The following DCAF5 variants were observed in gnomAD, a reference collection of about 807,000 sequenced individuals.
DCAF5 encodes DDB1- and CUL4-associated factor 5.
In DCAF5, 9 loss-of-function variants were observed where a neutral mutation model predicts 80.7. The observed-to-expected ratio is 0.11, with a 90% CI of 0.07 to 0.19. The LOEUF is 0.19. DCAF5 is among the 10% of genes least tolerant of loss of function. The probability of loss-of-function intolerance (pLI) is 1.00; values close to 1 mark genes in which losing one functional copy is unlikely to be tolerated. For synonymous variants in DCAF5, 433 were observed against 461.9 expected (o/e 0.94, Z 0.80); for missense variants, 842 against 1,205.7 (o/e 0.70, Z 4.47).
chr14:69,118,258 A>T lies in DCAF5; in HGVS notation c.416T>A (p.Phe139Tyr). The change falls in exon 4 of 9, where the codon TTT (phenylalanine) becomes TAT (tyrosine). Residue 139 changes from phenylalanine to tyrosine, a missense_variant. Phe to Tyr is a conservative substitution (Grantham distance 22). Around this residue, in one of 5 missense-constraint regions of DCAF5, gnomAD observed 142 missense variants for 311.9 expected, o/e 0.46. Transcript: ENST00000341516. The surrounding 1 kb of genome is among the most constrained non-coding windows in gnomAD (Gnocchi z 4.0). The part of the protein sequence containing the change: ...DVESSETLDV[F>Y]AHEDAVYGLS... ...GCCATATACTGCATCTTCATGAGCA[A>T]ACACGTCCAATGTCTCACTGCTGGG... 6.2e-7 allele frequency: 1 copy of T among 1,613,872 alleles called. No homozygotes were observed. Among genetic ancestry groups the T allele is most frequent in the Non-Finnish European group, 8.5e-7 (1 of 1,179,844 alleles).
chr14:69,102,191 C>G (rs1385724274), intron 5 of DCAF5, among the ~76,000 whole-genome samples: 1 of 150,086 alleles, frequency 6.7e-6, no homozygotes, highest in Non-Finnish European at 1.5e-5. Context: ...TCACTGCAAC[C>G]TCCGCCTCCT....
intron 1 of DCAF5, among the ~76,000 whole-genome samples, chr14:69,145,250 T>C (rs2041503375): frequency 6.6e-6 from 1 of 152,126 alleles, no homozygotes; most frequent in Admixed American, 6.5e-5. Flanking sequence ...ACTCCGGGGC[T>C]CAAGTGATCC....
intron 1 of DCAF5, among the ~76,000 whole-genome samples, chr14:69,132,875 G>A (rs985182687): frequency 2.6e-4 from 40 of 152,138 alleles, no homozygotes; most frequent in African/African-American, 9.2e-4. Context: ...CTTTAGACAG[G>A]TTACTTAACT....
At chr14:69,094,079 G>A (rs761291541) in intron 5 of DCAF5, among the ~76,000 whole-genome samples, 7 of 152,164 alleles carry the variant, frequency 4.6e-5, no homozygotes, top group Non-Finnish European at 7.4e-5. Context: ...TATGGAGTGT[G>A]CAAATAAACC....
intron 1 of DCAF5, among the ~76,000 whole-genome samples, chr14:69,143,178 T>C (rs1350245750): frequency 6.6e-6 from 1 of 152,144 alleles, no homozygotes; most frequent in East Asian, 1.9e-4. Context: ...ATCCTCCACT[T>C]ACATATAAAA....
rs757649437 is a variant in DCAF5 at position 69,118,263 on chromosome 14, G to A, written c.411C>T (p.Asp137=). The change falls in exon 4 of 9, where the codon GAC becomes GAT. Residue 137 remains aspartate, a synonymous_variant. Transcript: ENST00000341516. This position sits in a 1 kb window ranked among gnomAD's most constrained non-coding sequence, Gnocchi z 4.0. The part of the protein sequence containing the change: ...LHDVESSETL[D]VFAHEDAVYG... ...ATACTGCATCTTCATGAGCAAACAC[G>A]TCCAATGTCTCACTGCTGGGAGATA... The A allele has an allele frequency of 5.6e-6, 9 of 1,613,732 alleles. No individual in the cohort carries two copies. The highest frequency in any genetic ancestry group is 3.3e-5 in the South Asian group (3 of 91,060).
intron 1 of DCAF5, among the ~76,000 whole-genome samples, chr14:69,141,301 T>C (rs1351865741): frequency 1.3e-5 from 2 of 152,000 alleles, no homozygotes; most frequent in Non-Finnish European, 2.9e-5. Context: ...AGTGCAATAA[T>C]TATAAGCAGG....
chr14:69,125,982 T>C (rs1314695242), intron 1 of DCAF5, among the ~76,000 whole-genome samples: 1 of 152,056 alleles, frequency 6.6e-6, no homozygotes, highest in Non-Finnish European at 1.5e-5. Flanking sequence ...TTGTGAGATA[T>C]AAGGTTAATA....
intron 1 of DCAF5, among the ~76,000 whole-genome samples, chr14:69,133,763 A>AGTTT (rs2041111568): frequency 6.6e-6 from 1 of 152,202 alleles, no homozygotes; most frequent in Non-Finnish European, 1.5e-5. Flanking sequence ...GTAGAACAGA[A>AGTTT]ACATCCCCAT....
chr14:69,105,476 T>C (rs577304678), intron 5 of DCAF5, among the ~76,000 whole-genome samples: 5 of 152,260 alleles, frequency 3.3e-5, no homozygotes, highest in African/African-American at 9.6e-5. Context: ...TGAAGCATTG[T>C]TGCTGTGTGT....
At position 69,122,349 on chromosome 14, in the gene DCAF5, G is replaced by A. The variant is rs1440473240; in HGVS notation, c.226C>T (p.Arg76Cys). The A allele has an allele frequency of 2.5e-6, 4 of 1,610,440 alleles. No homozygotes were observed. The highest frequency in any genetic ancestry group is 2.5e-6 in the Non-Finnish European group (3 of 1,177,174). ...GQWLVSGGDD[R>C]RVLLWHMEQA... ...TCCATGTGCCATAGCAGAACCCGGC[G>A]GTCATCTCCTCCTTAAGAAGGAAAT... is the stretch of plus-strand genomic sequence containing the variant. The change falls in exon 2 of 9, where the codon CGC becomes TGC. Residue 76 changes from arginine to cysteine, a missense_variant. Transcript: ENST00000341516.
At chr14:69,126,215 T>C (rs1172401472) in intron 1 of DCAF5, among the ~76,000 whole-genome samples, 1 of 149,846 alleles carries the variant, frequency 6.7e-6, no homozygotes, top group Non-Finnish European at 1.5e-5. Context: ...TGGAGTGCAA[T>C]GGCGCAATCT....
At chr14:69,075,242 A>T (rs1430166542) in intron 7 of DCAF5, 103 bp downstream of exon 7, 5 of 772,636 alleles carry the variant, frequency 6.5e-6, no homozygotes, top group Non-Finnish European at 1.0e-5. Flanking sequence ...TTATGTTAGA[A>T]ATGTTGTCCT....
intron 6 of DCAF5, among the ~76,000 whole-genome samples, chr14:69,087,945 T>G (rs1466816451): frequency 6.6e-6 from 1 of 152,214 alleles, no homozygotes; most frequent in Non-Finnish European, 1.5e-5. Context: ...ATAGGTATGG[T>G]GCACAGATTT....
At chr14:69,153,162 C>T (rs1017397982), upstream of DCAF5, 7 of 444,728 alleles carry the variant, frequency 1.6e-5, no homozygotes, top group African/African-American at 1.2e-4. Flanking sequence ...CGGTCCCCTC[C>T]CTCTCCTTCC....
rs1234601872 is a variant in DCAF5 at position 69,055,391 on chromosome 14, G to C, written c.1295C>G (p.Ser432Cys). 6.2e-7 allele frequency: 1 copy of C among 1,614,198 alleles called. No individual in the cohort carries two copies. Among genetic ancestry groups the C allele is most frequent in the Admixed American group, 1.7e-5 (1 of 60,034 alleles). The change falls in exon 9 of 9, where the codon TCT (serine) becomes TGT (cysteine). Residue 432 changes from serine to cysteine, a missense_variant. By Grantham distance (112) the Ser-to-Cys change is moderately radical. Transcript: ENST00000341516. This position sits in a 1 kb window ranked among gnomAD's most constrained non-coding sequence, Gnocchi z 5.6. ...CTCACTGAGGTCACTGTCTGAGTCAGAGCTCCAGCCCTCGATCTCTCGGCG... is the reference window on the plus strand; with the variant it reads ...CTCACTGAGGTCACTGTCTGAGTCACAGCTCCAGCCCTCGATCTCTCGGCG... ...LVRREIEGWS[S>C]DSDSDLSEST...
intron 5 of DCAF5, among the ~76,000 whole-genome samples, chr14:69,104,894 A>G (rs993950814): frequency 6.6e-6 from 1 of 152,076 alleles, no homozygotes; most frequent in African/African-American, 2.4e-5. Flanking sequence ...GGTACCTACA[A>G]ACTAAAAAGA....
chr14:69,138,040 G>A, intron 1 of DCAF5, among the ~76,000 whole-genome samples: 1 of 151,926 alleles, frequency 6.6e-6, no homozygotes, highest in East Asian at 1.9e-4. Flanking sequence ...GTATGTCTAA[G>A]GCAAAGCACA....
chr14:69,055,586 C>T lies in DCAF5; in HGVS notation c.1100G>A (p.Gly367Glu). ...CCGACCGTCGAGGTCTCCAGTACAT[C>T]CTGGCTGCTTGTATGGGCTCCAGAT... ...IKIWSPYKQP[G>E]CTGDLDGRIE... Residue 367 changes from glycine to glutamate, a missense_variant, in exon 9 of 9, where the codon GGA (glycine) becomes GAA (glutamate). Physicochemically the swap from Gly to Glu is moderately conservative, Grantham distance 98. Transcript: ENST00000341516. This position sits in a 1 kb window ranked among gnomAD's most constrained non-coding sequence, Gnocchi z 5.6. 6.2e-7 allele frequency: 1 copy of T among 1,602,998 alleles called. No homozygotes were observed. The highest frequency in any genetic ancestry group is 8.5e-7 in the Non-Finnish European group (1 of 1,170,526).
Sources: gnomAD v4.1 joint callset for allele counts (sites outside exome capture counted in the v4.1 genomes callset) on GRCh38, gnomAD v4.1.1 for gene constraint, gnomAD v4.1.1 regional missense constraint, Gnocchi (gnomAD v3.1) non-coding constraint, MANE v1.5 for transcripts, NCBI Gene and HGNC (gene_info 2026-07-23, HGNC 2026-07-21) for gene names.